Variants in NAA35 observed in about 807,000 individuals in gnomAD.
NAA35 encodes the protein MAK10 homolog, amino-acid N-acetyltransferase subunit.
In NAA35, 18 loss-of-function variants were observed where a neutral mutation model predicts 101.7. That is an observed-to-expected ratio of 0.18 (90% confidence interval 0.12 to 0.26). The LOEUF (loss-of-function observed/expected upper bound fraction) is 0.26. Ranked by LOEUF, NAA35 falls within the 10% of genes least tolerant of loss-of-function variation. NAA35 has a pLI of 1.00. For synonymous variants in NAA35, 267 were observed against 273.1 expected, an observed-to-expected ratio of 0.98 and a Z score of 0.22; for missense variants, 601 against 886.8, an observed-to-expected ratio of 0.68 and a Z score of 4.09.
At chr9:85,964,017 A>G (rs1412899286) in intron 6 of NAA35, among the ~76,000 whole-genome samples, 1 of 152,226 alleles carries the variant, frequency 6.6e-6, no homozygotes, top group Admixed American at 6.5e-5. Flanking sequence ...CATTGTTGGC[A>G]AAGATTAGAA....
chr9:85,951,424 A>G (rs528510978), intron 2 of NAA35, among the ~76,000 whole-genome samples: 60 of 152,294 alleles, frequency 3.9e-4, no homozygotes, highest in East Asian at 3.9e-4. Flanking sequence ...AATTTTGGAT[A>G]TTCCTCTTTG....
At position 85,991,689 on chromosome 9, in the gene NAA35, A is replaced by G. The variant is rs148117507; in HGVS notation, c.878-4710A>G. Among the ~76,000 whole-genome samples the G allele has an allele frequency of 1.6e-3, 247 of 152,196 alleles. 1 individual carries two copies. The highest frequency in any genetic ancestry group is 3.8e-3 in the African/African-American group (157 of 41,498). ...GGAGGTTATGGTGGCCTAACATGTCAATGATAGGAGATTGTAGTGGACTGA... is the reference window on the plus strand; with the variant it reads ...GGAGGTTATGGTGGCCTAACATGTCGATGATAGGAGATTGTAGTGGACTGA... On this transcript the variant is annotated intron_variant, in intron 11 of 22. Transcript: ENST00000361671.
At chr9:85,959,387 A>C (rs571291747) in intron 4 of NAA35, among the ~76,000 whole-genome samples, 5 of 151,476 alleles carry the variant, frequency 3.3e-5, no homozygotes, top group South Asian at 4.2e-4. Flanking sequence ...AAAAAAAAAA[A>C]AACAAAAAAA....
At chr9:85,980,805 T>C (rs1044126973) in intron 11 of NAA35, among the ~76,000 whole-genome samples, 3 of 152,198 alleles carry the variant, frequency 2.0e-5, no homozygotes, top group African/African-American at 4.8e-5. Flanking sequence ...TTAAAACTCA[T>C]TAAAATGAGA....
chr9:86,012,833 T>G (rs1213545652), intron 15 of NAA35, among the ~76,000 whole-genome samples: 2 of 152,226 alleles, frequency 1.3e-5, no homozygotes, highest in Admixed American at 6.5e-5. Flanking sequence ...AAAGCAAGTT[T>G]CACATGAAGC....
chr9:85,978,650 T>A (rs1254567211), intron 11 of NAA35, among the ~76,000 whole-genome samples: 1 of 151,006 alleles, frequency 6.6e-6, no homozygotes, highest in African/African-American at 2.5e-5. Flanking sequence ...GTCTGGCAGC[T>A]TCTTCTTGCT....
intron 16 of NAA35, 134 bp from the exon 17 acceptor site, chr9:86,013,585 T>G: frequency 1.3e-6 from 1 of 781,214 alleles, no homozygotes; most frequent in Non-Finnish European, 2.0e-6. Context: ...TAAAAATGCA[T>G]TTAAAAATGT....
chr9:86,005,305 CTT>C (rs111945720), intron 13 of NAA35, among the ~76,000 whole-genome samples: 36 of 152,254 alleles, frequency 2.4e-4, no homozygotes, highest in African/African-American at 8.7e-4. Context: ...ATTTGAAACT[CTT>C]AGCAAAACTA....
At chr9:86,010,528 T>G (rs1448290856) in intron 15 of NAA35, among the ~76,000 whole-genome samples, 1 of 151,262 alleles carries the variant, frequency 6.6e-6, no homozygotes, top group Non-Finnish European at 1.5e-5. Context: ...AAATTTTTTG[T>G]GAATGGACAT....
In NAA35 at chr9:85,996,547, T is replaced by G; in HGVS notation, c.1026T>G (p.Val342=). 1 of 1,585,884 alleles carries G rather than the reference T, an allele frequency of 6.3e-7. No individual in the cohort carries two copies. The highest frequency in any genetic ancestry group is 1.2e-5 in the South Asian group (1 of 85,312). ...ATAGAATAAAAACTGTCTGTGAGGTTGTGAATTTAACAAATTTACATTGTA... is the reference window on the plus strand; with the variant it reads ...ATAGAATAAAAACTGTCTGTGAGGTGGTGAATTTAACAAATTTACATTGTA... ...LIDRIKTVCE[V]VNLTNLHCIL... Residue 342 remains valine, a synonymous_variant, in exon 12 of 23, where the codon GTT becomes GTG. Transcript: ENST00000361671.
At chr9:86,015,808 T>A in intron 17 of NAA35, 1 of 977,928 alleles carries the variant, frequency 1.0e-6, no homozygotes, top group African/African-American at 1.7e-5. Flanking sequence ...GTAGAAGACA[T>A]CATCAGTTGC....
intron 6 of NAA35, among the ~76,000 whole-genome samples, chr9:85,973,733 C>T (rs1830094747): frequency 6.6e-6 from 1 of 150,690 alleles, no homozygotes; most frequent in African/African-American, 2.4e-5. Context: ...TTATATAGCT[C>T]TGTAATATGA....
chr9:85,991,253 A>C (rs1321195257), intron 11 of NAA35, among the ~76,000 whole-genome samples: 1 of 152,074 alleles, frequency 6.6e-6, no homozygotes, highest in African/African-American at 2.4e-5. Flanking sequence ...GGGTAGGCTC[A>C]TGTTAATGGA....
intron 6 of NAA35, among the ~76,000 whole-genome samples, chr9:85,967,430 A>C (rs530486191): frequency 6.6e-6 from 1 of 152,332 alleles, no homozygotes; most frequent in East Asian, 1.9e-4. Flanking sequence ...TAAATTTTTC[A>C]GATTTTCCAG....
chr9:85,989,164 A>G (rs1255663853), intron 11 of NAA35, among the ~76,000 whole-genome samples: 1 of 152,184 alleles, frequency 6.6e-6, no homozygotes, highest in Non-Finnish European at 1.5e-5. Context: ...CAATATCTTC[A>G]AAGTCCTCAA....
At chr9:85,955,113 C>G (rs1829182861) in intron 2 of NAA35, among the ~76,000 whole-genome samples, 1 of 151,262 alleles carries the variant, frequency 6.6e-6, no homozygotes, top group Non-Finnish European at 1.5e-5. Flanking sequence ...GATGGGGTTT[C>G]ACTGTGTTGG....
At chr9:85,954,384 GT>G (rs1163492795) in intron 2 of NAA35, among the ~76,000 whole-genome samples, 2 of 152,184 alleles carry the variant, frequency 1.3e-5, no homozygotes, top group African/African-American at 4.8e-5. Context: ...CATCTGTCCT[GT>G]TTTTAATTTT....
intron 2 of NAA35, among the ~76,000 whole-genome samples, chr9:85,953,636 C>G (rs910398672): frequency 6.6e-6 from 1 of 152,092 alleles, no homozygotes; most frequent in Non-Finnish European, 1.5e-5. Flanking sequence ...ACCACATTGG[C>G]CAGGCTGGTC....
intron 15 of NAA35, among the ~76,000 whole-genome samples, chr9:86,011,023 A>G (rs1308260797): frequency 6.6e-6 from 1 of 151,246 alleles, no homozygotes; most frequent in Non-Finnish European, 1.5e-5. Context: ...CAGGTGGATC[A>G]CCTGAGGTCG....
Sources: allele counts gnomAD v4.1 joint callset (sites outside exome capture counted in the v4.1 genomes callset), GRCh38; gene constraint gnomAD v4.1.1; transcripts MANE v1.5; gene names NCBI Gene and HGNC (gene_info 2026-07-23, HGNC 2026-07-21).